The following ABCA12 variants were observed in gnomAD, a reference collection of about 807,000 sequenced individuals.
ABCA12 encodes glucosylceramide transporter ABCA12.
Under a neutral mutation model 293.5 loss-of-function variants are expected in ABCA12, and 156 were observed. That is an observed-to-expected ratio of 0.53 (90% CI 0.47 to 0.61). The LOEUF is 0.61. Ranked by LOEUF, ABCA12 falls within the 20% of genes least tolerant of loss-of-function variation. ABCA12 has a pLI of 0.00. For missense variants in ABCA12, 2,797 were observed against 3,090.2 expected (o/e 0.91, Z 2.25); for synonymous variants, 1,063 against 1,108.0 (o/e 0.96, Z 0.81).
chr2:215,017,834 G>A, intron 14 of ABCA12, 174 bp downstream of exon 14: 1 of 777,732 alleles, frequency 1.3e-6, no homozygotes, highest in Non-Finnish European at 2.0e-6. Context: ...TAAAATTCTT[G>A]CTTCAGAATT....
chr2:215,103,742 A>G (rs897546265), intron 2 of ABCA12, among the ~76,000 whole-genome samples: 3 of 152,306 alleles, frequency 2.0e-5, no homozygotes, highest in South Asian at 4.1e-4. Context: ...AGCTCTTACC[A>G]TATAGCAGGC....
Position 215,113,099 on chromosome 2 carries a change from C to T in ABCA12, c.70-1409G>A, listed in dbSNP as rs113473974. On this transcript the variant is annotated intron_variant, in intron 1 of 52. Transcript: ENST00000272895. ...CCCACTTTTCAGAGACAATTTGCTT[C>T]AGCCAAATCTCAAGCTATCTACCTG... is the stretch of plus-strand genomic sequence containing the variant. Among the ~76,000 whole-genome samples, 172 of 152,286 alleles carry T rather than the reference C, an allele frequency of 1.1e-3. 1 individual carries two copies. The highest frequency in any genetic ancestry group is 6.8e-3 in the Middle Eastern group (2 of 294).
intron 2 of ABCA12, among the ~76,000 whole-genome samples, chr2:215,100,385 C>T (rs1263166049): frequency 6.6e-6 from 1 of 151,930 alleles, no homozygotes. Flanking sequence ...TTTTTTTCTT[C>T]CAAGCTTAAT....
At chr2:215,058,843 A>G (rs192540760) in intron 3 of ABCA12, among the ~76,000 whole-genome samples, 89 of 152,144 alleles carry the variant, frequency 5.8e-4, no homozygotes, top group African/African-American at 2.0e-3. Context: ...ATTCTGAGGA[A>G]AAAAAAACTA....
chr2:215,089,131 T>C (rs914258432), intron 2 of ABCA12, among the ~76,000 whole-genome samples: 1 of 151,900 alleles, frequency 6.6e-6, no homozygotes, highest in African/African-American at 2.4e-5. Context: ...AAGATAGCAA[T>C]AACTAAAGTA....
Position 214,953,905 on chromosome 2 carries a change from A to G in ABCA12, c.6596T>C (p.Met2199Thr), listed in dbSNP as rs1698858074. The part of the protein sequence containing the change: ...MFVALVSQGT[M>T]FFSLRLLINE... ...GATTAAGAGTCGCAAGGAAAAAAAC[A>G]TGGTGCCCTGAGAAACCAAAGCCAC... is the stretch of plus-strand genomic sequence containing the variant. Residue 2199 changes from methionine to threonine, a missense_variant, in exon 44 of 53, where the codon ATG (methionine) becomes ACG (threonine). Physicochemically the swap from Met to Thr is moderately conservative, Grantham distance 81 (BLOSUM62 -1). This residue lies in a region of ABCA12 where 2,130 missense variants were observed against 2,427.0 expected (regional missense o/e 0.88). Transcript: ENST00000272895. The G allele has an allele frequency of 6.2e-7, 1 of 1,613,924 alleles. No individual in the cohort carries two copies. The highest frequency in any genetic ancestry group is 8.5e-7 in the Non-Finnish European group (1 of 1,179,976).
chr2:215,020,292 G>GCACACACACA (rs55917549), intron 11 of ABCA12, among the ~76,000 whole-genome samples: 6,674 of 148,666 alleles, frequency 0.045, 180 homozygotes, highest in African/African-American at 0.076. Flanking sequence ...GGGAATGTAT[G>GCACACACACA]CACACACACA....
chr2:215,119,067 T>C (rs1458344713), intron 1 of ABCA12, among the ~76,000 whole-genome samples: 4 of 152,162 alleles, frequency 2.6e-5, no homozygotes, highest in Admixed American at 1.3e-4. Context: ...ACCTTCCAGG[T>C]TCAAGCAAGT....
intron 2 of ABCA12, among the ~76,000 whole-genome samples, chr2:215,097,166 C>A (rs889899280): frequency 2.6e-5 from 4 of 152,058 alleles, no homozygotes; most frequent in Non-Finnish European, 5.9e-5. Flanking sequence ...AGCCCTTTAC[C>A]CCCACCTTCA....
At chr2:215,027,705 C>T (rs1389630440) in intron 9 of ABCA12, among the ~76,000 whole-genome samples, 2 of 152,126 alleles carry the variant, frequency 1.3e-5, no homozygotes, top group Non-Finnish European at 2.9e-5. Flanking sequence ...CCCCTTCTGA[C>T]TCTCCGATTC....
At chr2:215,104,879 A>G (rs1225686747) in intron 2 of ABCA12, among the ~76,000 whole-genome samples, 1 of 152,148 alleles carries the variant, frequency 6.6e-6, no homozygotes, top group East Asian at 1.9e-4. Flanking sequence ...TTTCCCCCAT[A>G]TGGGCATTAT....
chr2:215,106,139 C>T (rs746815238), intron 2 of ABCA12, among the ~76,000 whole-genome samples: 1 of 152,198 alleles, frequency 6.6e-6, no homozygotes, highest in Non-Finnish European at 1.5e-5. Flanking sequence ...ACACCTCACT[C>T]CTCTGACTTT....
chr2:214,974,043 C>A lies in ABCA12; in HGVS notation c.5469-1G>T. The A allele has an allele frequency of 6.2e-7, 1 of 1,613,358 alleles. No individual in the cohort carries two copies. On this transcript the variant is annotated splice_acceptor_variant, in intron 35 of 52. Coordinates refer to ENST00000272895, the MANE Select transcript of ABCA12 (RefSeq NM_173076.3). LOFTEE classifies it high-confidence loss of function. ...CAGACTGTCTTTGTTTAAACACTGT[C>A]TGCAAGTTAAAATGATATTGCTGTG...
At chr2:215,101,852 A>G (rs1044372127) in intron 2 of ABCA12, among the ~76,000 whole-genome samples, 5 of 152,172 alleles carry the variant, frequency 3.3e-5, no homozygotes, top group African/African-American at 1.2e-4. Flanking sequence ...CTCAGTTACT[A>G]TTTCTCTTGG....
chr2:215,040,276 T>A (rs575806131), intron 7 of ABCA12, among the ~76,000 whole-genome samples: 1 of 152,128 alleles, frequency 6.6e-6, no homozygotes, highest in Non-Finnish European at 1.5e-5. Context: ...AGGCAAACTA[T>A]ACAATGGTAG....
intron 49 of ABCA12, among the ~76,000 whole-genome samples, chr2:214,943,239 G>C (rs1434473387): frequency 6.6e-6 from 1 of 152,130 alleles, no homozygotes; most frequent in Non-Finnish European, 1.5e-5. Flanking sequence ...CTTTGCTCTA[G>C]TAATCCTCCT....
rs1226723671 is a variant in ABCA12 at position 214,932,499 on chromosome 2, T to A, written c.*135A>T. The A allele has an allele frequency of 5.3e-6, 4 of 754,188 alleles. No individual in the cohort carries two copies. Among genetic ancestry groups the A allele is most frequent in the Non-Finnish European group, 9.0e-6 (4 of 443,604 alleles). 46.7% of individuals were successfully genotyped at this position (754,188 alleles called of 1,614,324 possible). A position where few individuals can be genotyped will look rare whatever the true frequency, so the allele number is the denominator to read the frequency against. On this transcript the variant is annotated 3_prime_UTR_variant, in exon 53 of 53. Coordinates refer to ENST00000272895, the MANE Select transcript of ABCA12 (RefSeq NM_173076.3). ...TTCCTTTTATAATTACTTGTTAGTC[T>A]AACACAGTTGTAACTTTCCATACAG...
At chr2:215,114,134 C>A (rs570255670) in intron 1 of ABCA12, among the ~76,000 whole-genome samples, 10 of 152,178 alleles carry the variant, frequency 6.6e-5, no homozygotes, top group African/African-American at 2.4e-4. Context: ...GCCACCATGC[C>A]CAGCTAATTT....
At position 215,019,316 on chromosome 2, in the gene ABCA12, A is replaced by G. The variant is rs1231637231; in HGVS notation, c.1657+20T>C. ...ATGCATTCTAATAAGACAAGATTTAAAATGTGGATGGGGAAACACCTGGCT... is the reference window on the plus strand; with the variant it reads ...ATGCATTCTAATAAGACAAGATTTAGAATGTGGATGGGGAAACACCTGGCT... On this transcript the variant is annotated intron_variant, in intron 13 of 52. Coordinates refer to ENST00000272895, the MANE Select transcript of ABCA12 (RefSeq NM_173076.3). The G allele has an allele frequency of 6.3e-7, 1 of 1,587,458 alleles. No homozygotes were observed. Among genetic ancestry groups the G allele is most frequent in the South Asian group, 1.1e-5 (1 of 90,448 alleles).
Sources: gnomAD v4.1 joint callset for allele counts (sites outside exome capture counted in the v4.1 genomes callset) on GRCh38, gnomAD v4.1.1 for gene constraint, gnomAD v4.1.1 regional missense constraint, MANE v1.5 for transcripts, NCBI Gene and HGNC (gene_info 2026-07-23, HGNC 2026-07-21) for gene names.